The following CD1A variants were observed in gnomAD, a reference collection of about 807,000 sequenced individuals.
CD1A encodes the protein T-cell surface glycoprotein CD1a.
CD1A carries 50 observed loss-of-function variants against 38.3 expected under a neutral mutation model. That is an observed-to-expected ratio of 1.30 (90% CI 1.04 to 1.65). The LOEUF (loss-of-function observed/expected upper bound fraction) is 1.65, where lower values mean the gene tolerates loss of function less well. Ranked by LOEUF, CD1A falls within the 40% of genes most tolerant of loss-of-function variation. The probability of loss-of-function intolerance (pLI) is 0.00; values close to 1 mark genes in which losing one functional copy is unlikely to be tolerated. For synonymous variants in CD1A, 160 were observed against 150.8 expected, an observed-to-expected ratio of 1.06 and a Z score of -0.45; for missense variants, 459 against 406.1, an observed-to-expected ratio of 1.13 and a Z score of -1.12.
At chr1:158,251,942 C>G (rs535509336), upstream of CD1A, among the ~76,000 whole-genome samples, 1 of 151,850 alleles carries the variant, frequency 6.6e-6, no homozygotes, top group South Asian at 2.1e-4. Flanking sequence ...CTGCAACCTC[C>G]GCCTCCCGGG....
Position 158,256,176 on chromosome 1 carries a change from T to C in CD1A, c.498T>C (p.Asn166=). The change falls in exon 3 of 6, where the codon AAT becomes AAC. Residue 166 remains asparagine (N), a synonymous_variant. Coordinates refer to ENST00000289429, the MANE Select transcript of CD1A (RefSeq NM_001763.3). The stretch of plus-strand genomic sequence containing the variant: ...CCAAGCATTTCTGCAAAGTGCTCAA[T>C]CAGAATCAGCATGAAAATGACATAA... ...NMAKHFCKVL[N]QNQHENDITH... The C allele has an allele frequency of 1.2e-6, 2 of 1,614,138 alleles. No homozygotes were observed. The highest frequency in any genetic ancestry group is 1.7e-6 in the Non-Finnish European group (2 of 1,180,010).
At chr1:158,256,706 G>T in intron 3 of CD1A, 80 bp from the exon 4 acceptor site, 1 of 1,446,724 alleles carries the variant, frequency 6.9e-7, no homozygotes, top group Non-Finnish European at 9.4e-7. Flanking sequence ...TGGGAACAAT[G>T]TGTCTATCTA....
chr1:158,257,805 T>C lies in CD1A; in HGVS notation c.*115T>C. The C allele has an allele frequency of 1.1e-6, 1 of 896,974 alleles. No homozygotes were observed. Among genetic ancestry groups the C allele is most frequent in the Non-Finnish European group, 1.8e-6 (1 of 561,190 alleles). The allele number at this position is 896,974 out of a possible 1,614,324, so 55.6% of individuals were successfully genotyped here. A position where few individuals can be genotyped will look rare whatever the true frequency, so the allele number is the denominator to read the frequency against. On this transcript the variant is annotated 3_prime_UTR_variant, in exon 6 of 6. Transcript: ENST00000289429. ...ATGATGACGTCCTCTCAACTCTCTT[T>C]GTAAAAATTTTGTTATTTTTGCTTG... is the stretch of plus-strand genomic sequence containing the variant.
chr1:158,254,123 T>G, upstream of CD1A: 4 of 858,196 alleles, frequency 4.7e-6, no homozygotes, highest in Non-Finnish European at 5.5e-6. Flanking sequence ...GGTGTTAGTT[T>G]GTACTGTCGC....
chr1:158,252,367 C>T (rs983678304), upstream of CD1A, among the ~76,000 whole-genome samples: 21 of 152,258 alleles, frequency 1.4e-4, no homozygotes, highest in African/African-American at 4.1e-4. Flanking sequence ...TATACTCATG[C>T]TAGCCTTTAC....
chr1:158,255,245 A>G lies in CD1A; in HGVS notation c.220A>G (p.Asn74Asp). Residue 74 changes from asparagine (N) to aspartate (D), a missense_variant, in exon 2 of 6, where the codon AAC becomes GAC. By Grantham distance (23) the Asn-to-Asp change is conservative. Transcript: ENST00000289429. ...IVFLCPWSRG[N>D]FSNEEWKELE... Reference sequence around the variant, plus strand: ...TTTCCTGTGCCCCTGGTCCAGGGGAAACTTCAGCAATGAGGAGTGGAAGGA... The same window carrying G: ...TTTCCTGTGCCCCTGGTCCAGGGGAGACTTCAGCAATGAGGAGTGGAAGGA... The G allele has an allele frequency of 3.1e-6, 5 of 1,614,166 alleles. No homozygotes were observed. Among genetic ancestry groups the G allele is most frequent in the Non-Finnish European group, 4.2e-6 (5 of 1,180,024 alleles).
rs1268668698 is a variant in CD1A, at chr1:158,256,138, G to A, written c.460G>A (p.Ala154Thr). Residue 154 changes from alanine (A) to threonine (T), a missense_variant, in exon 3 of 6, where the codon GCT (alanine) becomes ACT (threonine). Ala to Thr is a moderately conservative substitution (Grantham distance 58). Coordinates refer to ENST00000289429, the MANE Select transcript of CD1A (RefSeq NM_001763.3). ...QNNSWLPYPV[A>T]GNMAKHFCKV... ...CAATTCATGGTTGCCATATCCAGTG[G>A]CTGGGAATATGGCCAAGCATTTCTG... is the stretch of plus-strand genomic sequence containing the variant. 6.2e-7 allele frequency: 1 copy of A among 1,614,146 alleles called. No individual in the cohort carries two copies. The highest frequency in any genetic ancestry group is 1.1e-5 in the South Asian group (1 of 91,080).
chr1:158,255,471 TA>T, intron 2 of CD1A, 121 bp downstream of exon 2: 3 of 1,093,096 alleles, frequency 2.7e-6, no homozygotes, highest in Non-Finnish European at 3.9e-6. Context: ...CTTTCCACCA[TA>T]AAACTGCAAT....
rs1650195581 is a variant in CD1A, at chr1:158,254,969, G to T, written c.59-115G>T. ...TGTGTGGCAAGTGAATGTCTGCTAA[G>T]ATCATGATGGATCCCCTTTTCTCCA... On this transcript the variant is annotated intron_variant, in intron 1 of 5. Coordinates refer to ENST00000289429, the MANE Select transcript of CD1A (RefSeq NM_001763.3). 6 of 1,097,574 alleles carry T rather than the reference G, an allele frequency of 5.5e-6. No individual in the cohort carries two copies. The Admixed American group carries it at 1.2e-4, about 21-fold the overall frequency. 68.0% of individuals were successfully genotyped at this position (1,097,574 alleles called of 1,614,324 possible). A position where few individuals can be genotyped will look rare whatever the true frequency, so the allele number is the denominator to read the frequency against.
chr1:158,252,145 T>C (rs78245560), upstream of CD1A, among the ~76,000 whole-genome samples: 1 of 151,658 alleles, frequency 6.6e-6, no homozygotes, highest in Non-Finnish European at 1.5e-5. Flanking sequence ...TTTTTTTTTT[T>C]CTATGTTGCA....
the CD1A span, among the ~76,000 whole-genome samples, chr1:158,248,983 G>A: frequency 1.3e-5 from 2 of 152,296 alleles, no homozygotes; most frequent in Non-Finnish European, 2.9e-5. Context: ...CTTGTGGCTT[G>A]GCTCCACTTC....
chr1:158,257,723 C>G lies in CD1A; in HGVS notation c.*33C>G. The stretch of plus-strand genomic sequence containing the variant: ...CATGAGCCTCCTCGTCACCCTTCTC[C>G]TTTTGGGGTGAGAGACCAGCAGCCC... On this transcript the variant is annotated 3_prime_UTR_variant, in exon 6 of 6. Transcript: ENST00000289429. 1.9e-6 allele frequency: 3 copies of G among 1,609,894 alleles called. No homozygotes were observed. The East Asian group carries it at 6.7e-5, about 36-fold the overall frequency.
chr1:158,256,377 A>C, intron 3 of CD1A, 95 bp downstream of exon 3: 1 of 1,243,802 alleles, frequency 8.0e-7, no homozygotes, highest in Non-Finnish European at 1.1e-6. Flanking sequence ...AGCCACCCAG[A>C]AGTGGGAAAG....
intron 5 of CD1A, 58 bp from the exon 6 acceptor site, chr1:158,257,623 C>A: frequency 2.5e-6 from 4 of 1,597,726 alleles, no homozygotes; most frequent in Non-Finnish European, 3.4e-6. Flanking sequence ...TTCCCTCTTG[C>A]TCCTCAATTC....
the CD1A span, chr1:158,248,544 C>A: frequency 3.0e-6 from 1 of 332,932 alleles, no homozygotes; most frequent in Non-Finnish European, 4.3e-6. Context: ...GGACACCTGT[C>A]TGATTGAGTT....
chr1:158,257,439 G>A lies in CD1A; in HGVS notation c.902G>A (p.Gly301Asp). The A allele has an allele frequency of 3.1e-6, 5 of 1,613,910 alleles. No homozygotes were observed. Among genetic ancestry groups the A allele is most frequent in the South Asian group, 1.1e-5 (1 of 91,082 alleles). ...VLYWEHHSSVGFIILAVIVPL... is the reference protein window; with the variant it reads ...VLYWEHHSSVDFIILAVIVPL... ...TTCACAGAGCATCACAGTTCCGTGG[G>A]CTTCATCATCTTGGCGGTGATAGTG... The change falls in exon 5 of 6, where the codon GGC becomes GAC. Residue 301 changes from glycine (G) to aspartate (D), a missense_variant. By Grantham distance (94) the Gly-to-Asp change is moderately conservative. Coordinates refer to ENST00000289429, the MANE Select transcript of CD1A (RefSeq NM_001763.3).
At chr1:158,251,314 C>G (rs773682225), upstream of CD1A, among the ~76,000 whole-genome samples, 8 of 152,142 alleles carry the variant, frequency 5.3e-5, no homozygotes, top group Non-Finnish European at 1.0e-4. Flanking sequence ...TGAGTAAATG[C>G]ACACAGTTGA....
chr1:158,255,046 A>G (rs749619335), intron 1 of CD1A, 38 bp from the exon 2 acceptor site: 1 of 1,602,598 alleles, frequency 6.2e-7, no homozygotes, highest in South Asian at 1.1e-5. Context: ...CTCTTTCTCA[A>G]TGTCTTTCTC....
chr1:158,250,974 G>A (rs142721411), upstream of CD1A, among the ~76,000 whole-genome samples: 37 of 152,248 alleles, frequency 2.4e-4, no homozygotes, highest in South Asian at 1.7e-3. Context: ...TGACGGCCCC[G>A]TGCAGTCAAA....
Sources: allele counts gnomAD v4.1 joint callset (sites outside exome capture counted in the v4.1 genomes callset), GRCh38; gene constraint gnomAD v4.1.1; transcripts MANE v1.5; gene names NCBI Gene and HGNC (gene_info 2026-07-23, HGNC 2026-07-21).